Variants in SMG8 observed in about 807,000 individuals in gnomAD.
SMG8 encodes SMG8 nonsense mediated mRNA decay factor.
SMG8 carries 49 observed loss-of-function variants against 82.1 expected under a neutral mutation model. The observed-to-expected ratio is 0.60, with a 90% CI of 0.47 to 0.76. The LOEUF (loss-of-function observed/expected upper bound fraction) is 0.76, where lower values mean the gene tolerates loss of function less well. SMG8 is among the 30% of genes least tolerant of loss of function. The probability of loss-of-function intolerance (pLI) is 0.00; values close to 1 mark genes in which losing one functional copy is unlikely to be tolerated. For synonymous variants in SMG8, 404 were observed against 430.0 expected, an observed-to-expected ratio of 0.94 and a Z score of 0.75; for missense variants, 969 against 1,166.4, an observed-to-expected ratio of 0.83 and a Z score of 2.46.
chr17:59,210,659 T>G lies in SMG8; in HGVS notation c.608T>G (p.Leu203Arg). 1 of 1,614,108 alleles carries G rather than the reference T, an allele frequency of 6.2e-7. No individual in the cohort carries two copies. The highest frequency in any genetic ancestry group is 1.1e-5 in the South Asian group (1 of 91,070). The change falls in exon 1 of 4, where the codon CTA (leucine) becomes CGA (arginine). Residue 203 changes from leucine (L) to arginine (R), a missense_variant. Around this residue, in one of 3 missense-constraint regions of SMG8, gnomAD observed 662 missense variants for 884.8 expected, o/e 0.75. Coordinates refer to ENST00000300917, the MANE Select transcript of SMG8 (RefSeq NM_018149.7). ...CTGCAGTGCCTCAGTCTCCTTTACCTATTCTCTGTCTGTCATATCTTGCTT... is the reference window on the plus strand; with the variant it reads ...CTGCAGTGCCTCAGTCTCCTTTACCGATTCTCTGTCTGTCATATCTTGCTT... ...EKLQCLSLLY[L>R]FSVCHILLLV...
intron 3 of SMG8, 63 bp downstream of exon 3, chr17:59,213,664 AT>A: frequency 1.3e-6 from 2 of 1,520,922 alleles, no homozygotes; most frequent in Non-Finnish European, 1.8e-6. Context: ...GTTTTGATTG[AT>A]TTTAAAAAGT....
chr17:59,211,115 TTAGGAGTCATTG>T lies in SMG8; in HGVS notation c.1067_1078del (p.Arg356_Cys359del). 1 of 1,614,158 alleles carries T rather than the reference TTAGGAGTCATTG, an allele frequency of 6.2e-7. No individual in the cohort carries two copies. The highest frequency in any genetic ancestry group is 8.5e-7 in the Non-Finnish European group (1 of 1,180,030). ...CCAGTAGGTATGTTGCTGGACCAAC[TTAGGAGTCATTG>T]TACTGTGAAGGACCCGGAATCTTTG... On this transcript the variant is annotated inframe_deletion, in exon 1 of 4. Coordinates refer to ENST00000300917, the MANE Select transcript of SMG8 (RefSeq NM_018149.7).
Position 59,211,766 on chromosome 17 carries a change from C to A in SMG8, c.1715C>A (p.Thr572Asn). The change falls in exon 1 of 4, where the codon ACT (threonine) becomes AAT (asparagine). Residue 572 changes from threonine (T) to asparagine (N), a missense_variant. Around this residue, in one of 3 missense-constraint regions of SMG8, gnomAD observed 662 missense variants for 884.8 expected, o/e 0.75. Transcript: ENST00000300917. ...CAGCTCTGTGAGGAGAGGAGTTTAA[C>A]TGATCAACACTGTGTGCACAAATTT... ...GHQLCEERSL[T>N]DQHCVHKFHS... 1 of 1,583,514 alleles carries A rather than the reference C, an allele frequency of 6.3e-7. No homozygotes were observed. The highest frequency in any genetic ancestry group is 1.1e-5 in the South Asian group (1 of 86,974).
intron 1 of SMG8, 107 bp from the exon 2 acceptor site, chr17:59,212,234 A>G (rs1813923014): frequency 5.2e-6 from 4 of 773,976 alleles, no homozygotes; most frequent in South Asian, 3.1e-5. Context: ...TTCTTCTGTT[A>G]TGTGTATTTA....
rs200723687 is a variant in SMG8, at chr17:59,211,636, G to T, written c.1585G>T (p.Ala529Ser). The T allele has an allele frequency of 1.2e-3, 1,865 of 1,614,002 alleles. 20 individuals are homozygous for T. The highest frequency in any genetic ancestry group is 2.1e-4 in the Non-Finnish European group (242 of 1,179,994). Residue 529 changes from alanine to serine, a missense_variant, in exon 1 of 4, where the codon GCC (alanine) becomes TCC (serine). Ala to Ser is a moderately conservative substitution (Grantham distance 99, BLOSUM62 1). Around this residue, in one of 3 missense-constraint regions of SMG8, gnomAD observed 662 missense variants for 884.8 expected, o/e 0.75. Transcript: ENST00000300917. ...AATGACTGTCCATAAGAATCAGCTT[G>T]CCCAGGCTCTTCGAGTGTACAGTCA... ...YTMTVHKNQL[A>S]QALRVYSQHA... is the part of the protein sequence containing the mutation.
intron 3 of SMG8, 50 bp from the exon 4 acceptor site, chr17:59,214,752 AGTT>A: frequency 2.3e-6 from 2 of 852,482 alleles, no homozygotes; most frequent in South Asian, 2.7e-5. Context: ...TTTATCTTTC[AGTT>A]GTTTCATATT....
chr17:59,210,237 C>T lies in SMG8; in HGVS notation c.186C>T (p.Ser62=). The T allele has an allele frequency of 6.2e-7, 1 of 1,610,894 alleles. No homozygotes were observed. The change falls in exon 1 of 4, where the codon TCC becomes TCT. Residue 62 remains serine (S), a synonymous_variant. Coordinates refer to ENST00000300917, the MANE Select transcript of SMG8 (RefSeq NM_018149.7). The part of the protein sequence containing the change: ...IFGKTALRLN[S]EKFSLVNTVC... Reference sequence around the variant, plus strand: ...GCAAGACGGCTCTACGCCTGAATTCCGAGAAGTTCTCTCTTGTGAATACGG... The same window carrying T: ...GCAAGACGGCTCTACGCCTGAATTCTGAGAAGTTCTCTCTTGTGAATACGG...
intron 3 of SMG8, 21 bp downstream of exon 3, chr17:59,213,622 C>A: frequency 6.4e-7 from 1 of 1,554,860 alleles, no homozygotes; most frequent in Non-Finnish European, 8.6e-7. Context: ...TAACCCTCTG[C>A]AGCCCCAAAC....
In SMG8 at chr17:59,210,453, C is replaced by T. The variant is rs1387367556; in HGVS notation, c.402C>T (p.Asp134=). 1 of 1,606,006 alleles carries T rather than the reference C, an allele frequency of 6.2e-7. No homozygotes were observed. The highest frequency in any genetic ancestry group is 1.1e-5 in the South Asian group (1 of 89,838). Reference sequence around the variant, plus strand: ...ACCGAACTGAGGCAGGCTCCCAGGACTACAGCCTTCTGCAGGCCTACTACA... The same window carrying T: ...ACCGAACTGAGGCAGGCTCCCAGGATTACAGCCTTCTGCAGGCCTACTACA... ...EGNRTEAGSQ[D]YSLLQAYYSQ... is the part of the protein sequence containing the mutation. The change falls in exon 1 of 4, where the codon GAC becomes GAT. Residue 134 remains aspartate, a synonymous_variant. Coordinates refer to ENST00000300917, the MANE Select transcript of SMG8 (RefSeq NM_018149.7).
Position 59,210,614 on chromosome 17 carries a change from T to G in SMG8, c.563T>G (p.Phe188Cys), listed in dbSNP as rs752079454. The G allele has an allele frequency of 5.0e-6, 8 of 1,608,090 alleles. No homozygotes were observed. In the Admixed American group the frequency reaches 1.0e-4, roughly 20 times the overall value. Residue 188 changes from phenylalanine (F) to cysteine (C), a missense_variant, in exon 1 of 4, where the codon TTC becomes TGC. Around this residue, in one of 3 missense-constraint regions of SMG8, gnomAD observed 662 missense variants for 884.8 expected, o/e 0.75. Transcript: ENST00000300917. ...TTACCTCATGCAGAAGCACACGAGT[T>G]CTGGAAGCATCAAGAGAAGCTGCAG... The part of the protein sequence containing the change: ...LSLPHAEAHE[F>C]WKHQEKLQCL...
rs777512744 is a variant in SMG8, at chr17:59,214,864, T to C, written c.2838T>C (p.Leu946=). 1 of 872,996 alleles carries C rather than the reference T, an allele frequency of 1.1e-6. No individual in the cohort carries two copies. The allele number at this position is 872,996 out of a possible 1,614,324, so 54.1% of individuals were successfully genotyped here. A position where few individuals can be genotyped will look rare whatever the true frequency, so the allele number is the denominator to read the frequency against. ...ACCCAGAAAAACAAGAAATCACCCT[T>C]CCACCTGATGGCCTTTGGGTTTTGA... The part of the protein sequence containing the change: ...VFYPEKQEIT[L]PPDGLWVLRF... Residue 946 remains leucine (L), a synonymous_variant, in exon 4 of 4, where the codon CTT becomes CTC. Transcript: ENST00000300917.
chr17:59,212,244 A>T, intron 1 of SMG8, 97 bp from the exon 2 acceptor site: 3 of 909,432 alleles, frequency 3.3e-6, no homozygotes, highest in Non-Finnish European at 4.8e-6. Context: ...ATGTGTATTT[A>T]GGTAAGGTTT....
In SMG8 at chr17:59,214,103, C is replaced by T. The variant is rs531066062; in HGVS notation, c.2778+502C>T. Among the ~76,000 whole-genome samples the T allele has an allele frequency of 2.0e-4, 30 of 151,958 alleles. No individual in the cohort carries two copies. In the South Asian group the frequency reaches 4.8e-3, roughly 24 times the overall value. The stretch of plus-strand genomic sequence containing the variant: ...TTCGAGACAAGCCTGGGCAACATGG[C>T]GAAACCCCGTCTCTACTAAAAATAC... On this transcript the variant is annotated intron_variant, in intron 3 of 3. Transcript: ENST00000300917.
chr17:59,210,072 G>T lies in SMG8; in HGVS notation c.21G>T (p.Leu7Phe). ...GCACTATGGCTGGTCCCGTGAGCTT[G>T]CGAGACCTTCTAATGGGAGCATCAG... MAGPVSLRDLLMGASAW... is the reference protein window; with the variant it reads MAGPVSFRDLLMGASAW... The change falls in exon 1 of 4, where the codon TTG becomes TTT. Residue 7 changes from leucine (L) to phenylalanine (F), a missense_variant. Transcript: ENST00000300917. 6.4e-7 allele frequency: 1 copy of T among 1,569,134 alleles called. No homozygotes were observed.
Position 59,213,494 on chromosome 17 carries a change from A to G in SMG8, c.2671A>G (p.Ile891Val), listed in dbSNP as rs944685284. The change falls in exon 3 of 4, where the codon ATT (isoleucine) becomes GTT (valine). Residue 891 changes from isoleucine (I) to valine (V), a missense_variant. By Grantham distance (29) the Ile-to-Val change is conservative. Transcript: ENST00000300917. ...KALNSDMPLY[I>V]LSSSQGRGLK... ...CCTAAATAGTGACATGCCCTTATAT[A>G]TTCTGTCATCCTCTCAAGGTAGAGG... The G allele has an allele frequency of 6.2e-7, 1 of 1,614,032 alleles. No homozygotes were observed. The highest frequency in any genetic ancestry group is 1.3e-5 in the African/African-American group (1 of 74,902).
At chr17:59,213,892 A>G (rs1455692003) in intron 3 of SMG8, among the ~76,000 whole-genome samples, 2 of 152,154 alleles carry the variant, frequency 1.3e-5, no homozygotes, top group Non-Finnish European at 2.9e-5. Context: ...TTCCATACCT[A>G]ATATTCTGTT....
chr17:59,211,994 A>AT (rs1222237965), intron 1 of SMG8, 184 bp downstream of exon 1: 36 of 507,616 alleles, frequency 7.1e-5, no homozygotes, highest in South Asian at 5.7e-4. Flanking sequence ...CTACTTTCTT[A>AT]TTTTTTTTCA....
chr17:59,212,924 C>G lies in SMG8; in HGVS notation c.2101C>G (p.Gln701Glu), dbSNP rs770670537. 27 of 1,613,882 alleles carry G rather than the reference C, an allele frequency of 1.7e-5. No individual in the cohort carries two copies. Among genetic ancestry groups the G allele is most frequent in the Non-Finnish European group, 2.2e-5 (26 of 1,180,026 alleles). The change falls in exon 3 of 4, where the codon CAA becomes GAA. Residue 701 changes from glutamine (Q) to glutamate (E), a missense_variant. Transcript: ENST00000300917. ...CCTGAGTTTAGCTTTGAGTTTGGGC[C>G]AATCCACAGATAGCTTAGGTACCTA... ...TSLSLALSLG[Q>E]STDSLGTYPA...
Position 59,213,488 on chromosome 17 carries a change from T to G in SMG8, c.2665T>G (p.Leu889Val), listed in dbSNP as rs781428656. 2.5e-6 allele frequency: 4 copies of G among 1,614,218 alleles called. No homozygotes were observed. In the East Asian group the frequency reaches 6.7e-5, roughly 27 times the overall value. ...AAAAGCCCTAAATAGTGACATGCCC[T>G]TATATATTCTGTCATCCTCTCAAGG... ...ALKALNSDMPLYILSSSQGRG... is the reference protein window; with the variant it reads ...ALKALNSDMPVYILSSSQGRG... Residue 889 changes from leucine (L) to valine (V), a missense_variant, in exon 3 of 4, where the codon TTA (leucine) becomes GTA (valine). By Grantham distance (32) the Leu-to-Val change is conservative. Transcript: ENST00000300917.
Sources: gnomAD v4.1 joint callset for allele counts (sites outside exome capture counted in the v4.1 genomes callset) on GRCh38, gnomAD v4.1.1 for gene constraint, gnomAD v4.1.1 regional missense constraint, MANE v1.5 for transcripts, NCBI Gene and HGNC (gene_info 2026-07-23, HGNC 2026-07-21) for gene names.